The following PHF14 variants were observed in gnomAD, a reference collection of about 807,000 sequenced individuals.
PHF14 encodes PHD finger protein 14.
A neutral mutation model predicts 117.9 loss-of-function variants in PHF14; 55 were observed. The ratio of observed to expected loss-of-function variants is 0.47; its 90% CI spans 0.38 to 0.58. PHF14 has a LOEUF of 0.58. PHF14 is among the 20% of genes least tolerant of loss of function. The pLI is 0.00. For synonymous variants in PHF14, 409 were observed against 368.6 expected, an observed-to-expected ratio of 1.11 and a Z score of -1.26; for missense variants, 978 against 1,122.2, an observed-to-expected ratio of 0.87 and a Z score of 1.84.
chr7:11,117,845 TAA>T (rs144060559), intron 17 of PHF14, among the ~76,000 whole-genome samples: 2,128 of 151,964 alleles, frequency 0.014, 45 homozygotes, highest in African/African-American at 0.049. Context: ...TAAAGTTCTT[TAA>T]AATTTGAAGC....
At chr7:11,085,891 T>A (rs1031470422) in intron 16 of PHF14, among the ~76,000 whole-genome samples, 1 of 149,238 alleles carries the variant, frequency 6.7e-6, no homozygotes, top group Non-Finnish European at 1.5e-5. Context: ...CATAATAGTT[T>A]AAAAAAAAAA....
At chr7:11,153,193 C>A (rs1788749105) in intron 17 of PHF14, among the ~76,000 whole-genome samples, 2 of 152,004 alleles carry the variant, frequency 1.3e-5, no homozygotes, top group Admixed American at 1.3e-4. Context: ...AATCCACAGG[C>A]AAGAAACATG....
At chr7:11,074,975 T>TCACC (rs1485634719) in intron 16 of PHF14, among the ~76,000 whole-genome samples, 2 of 150,804 alleles carry the variant, frequency 1.3e-5, no homozygotes, top group African/African-American at 4.9e-5. Context: ...TCTTGCTCTG[T>TCACC]CACCCATGCT....
intron 16 of PHF14, chr7:11,105,552 A>T: frequency 1.0e-6 from 1 of 981,456 alleles, no homozygotes; most frequent in Non-Finnish European, 1.2e-6. Flanking sequence ...AAAAATGGCA[A>T]TTGAAACTTG....
At chr7:10,980,025 T>C (rs550487916) in intron 2 of PHF14, among the ~76,000 whole-genome samples, 10 of 152,180 alleles carry the variant, frequency 6.6e-5, no homozygotes, top group South Asian at 6.2e-4. Context: ...AAAAACAGAA[T>C]CAAGGAGTCT....
chr7:11,102,713 C>G (rs1787133106), intron 16 of PHF14: 3 of 1,401,896 alleles, frequency 2.1e-6, no homozygotes, highest in Non-Finnish European at 2.8e-6. Context: ...CTTGGACTAA[C>G]AAGGCAGTAG....
chr7:11,072,026 C>A (rs191028098), intron 16 of PHF14, among the ~76,000 whole-genome samples: 48 of 152,274 alleles, frequency 3.2e-4, no homozygotes, highest in Non-Finnish European at 4.1e-4. Context: ...AACCATTCTG[C>A]TGAGTTGTAT....
chr7:11,096,938 T>C (rs1454540655), intron 16 of PHF14, among the ~76,000 whole-genome samples: 1 of 151,944 alleles, frequency 6.6e-6, no homozygotes, highest in Admixed American at 6.6e-5. Flanking sequence ...TTTACTTCAT[T>C]GATAGTATTT....
rs1782078543 is a variant in PHF14, at chr7:10,982,597, A to G, written c.338A>G (p.Lys113Arg). The G allele has an allele frequency of 1.3e-6, 2 of 1,510,226 alleles. No homozygotes were observed. Among genetic ancestry groups the G allele is most frequent in the African/African-American group, 2.8e-5 (2 of 71,550 alleles). The allele number at this position is 1,510,226 out of a possible 1,614,324, so 93.6% of individuals were successfully genotyped here. ...GAAGAAAATGGAGAAAGACCTAGAA[A>G]GAAAAAGGAGAAAGAGAAGGAAAAA... ...EEEENGERPR[K>R]KKEKEKEKEK... Residue 113 changes from lysine to arginine, a missense_variant, in exon 3 of 18, where the codon AAG becomes AGG. This residue lies in a region of PHF14 where 414 missense variants were observed against 376.4 expected (regional missense o/e 1.10). Coordinates refer to ENST00000634607, the MANE Select transcript of PHF14 (RefSeq NM_001007157.2).
chr7:11,112,866 G>T (rs965687130), intron 17 of PHF14, among the ~76,000 whole-genome samples: 5 of 151,906 alleles, frequency 3.3e-5, no homozygotes, highest in Non-Finnish European at 7.4e-5. Context: ...ACCTAAAATT[G>T]TAAACTATAT....
intron 17 of PHF14, among the ~76,000 whole-genome samples, chr7:11,116,926 A>G (rs1243597500): frequency 6.6e-6 from 1 of 151,960 alleles, no homozygotes; most frequent in African/African-American, 2.4e-5. Context: ...ATATTGCCAT[A>G]TAAGATATAA....
At chr7:10,991,759 A>ATTTTTTTT (rs71023881) in intron 4 of PHF14, among the ~76,000 whole-genome samples, 9 of 111,026 alleles carry the variant, frequency 8.1e-5, no homozygotes, top group East Asian at 5.1e-4. Context: ...TAATTTTTTA[A>ATTTTTTTT]TTTTTTTTTT....
chr7:11,002,731 A>G (rs1782921667), intron 4 of PHF14, among the ~76,000 whole-genome samples: 1 of 151,790 alleles, frequency 6.6e-6, no homozygotes, highest in South Asian at 2.1e-4. Flanking sequence ...GACGTGAGCC[A>G]CCGCGCCCGG....
chr7:11,144,397 G>T (rs1479363263), intron 17 of PHF14, among the ~76,000 whole-genome samples: 1 of 151,664 alleles, frequency 6.6e-6, no homozygotes. Flanking sequence ...TTAGTATATT[G>T]AAGAGATACC....
At chr7:11,053,098 G>C (rs568062853) in intron 14 of PHF14, among the ~76,000 whole-genome samples, 1 of 152,112 alleles carries the variant, frequency 6.6e-6, no homozygotes, top group African/African-American at 2.4e-5. Flanking sequence ...GATATTTTTA[G>C]GGTTAGTTGT....
At chr7:11,103,406 A>G (rs368499299) in intron 16 of PHF14, 14 of 981,204 alleles carry the variant, frequency 1.4e-5, no homozygotes, top group Non-Finnish European at 1.7e-5. Flanking sequence ...TGACTATACA[A>G]CCTACCAGCT....
chr7:11,155,762 G>A (rs1278116887), intron 17 of PHF14, among the ~76,000 whole-genome samples: 1 of 146,340 alleles, frequency 6.8e-6, no homozygotes, highest in Admixed American at 6.8e-5. Flanking sequence ...TATATACAAT[G>A]TTTTTTTTTT....
Position 11,036,674 on chromosome 7 carries a change from T to C in PHF14, c.1859T>C (p.Val620Ala). ...CAACCAGCTCTCACTGCAGATTTTG[T>C]GAATTATTATTTTGGTCAGTATAGA... ...HKQPALTADF[V>A]NYYFERNMRM... is the part of the protein sequence containing the mutation. The change falls in exon 9 of 18, where the codon GTG (valine) becomes GCG (alanine). Residue 620 changes from valine (V) to alanine (A), a missense_variant. By Grantham distance (64) the Val-to-Ala change is moderately conservative (BLOSUM62 0). Coordinates refer to ENST00000634607, the MANE Select transcript of PHF14 (RefSeq NM_001007157.2). The C allele has an allele frequency of 6.2e-7, 1 of 1,613,698 alleles. No individual in the cohort carries two copies. The highest frequency in any genetic ancestry group is 1.1e-5 in the South Asian group (1 of 91,042).
At chr7:11,163,832 T>A (rs950730719) in intron 17 of PHF14, among the ~76,000 whole-genome samples, 7 of 152,322 alleles carry the variant, frequency 4.6e-5, no homozygotes, top group African/African-American at 1.4e-4. Context: ...TGTTTTTAAA[T>A]GAATAAAACA....
Sources: allele counts gnomAD v4.1 joint callset (sites outside exome capture counted in the v4.1 genomes callset), GRCh38; gene constraint gnomAD v4.1.1; regional missense constraint gnomAD v4.1.1; transcripts MANE v1.5; gene names NCBI Gene and HGNC (gene_info 2026-07-23, HGNC 2026-07-21).